Variants in CCDC144A observed in about 807,000 individuals in gnomAD.
CCDC144A encodes the protein coiled-coil domain containing 144A.
Under a neutral mutation model 143.8 loss-of-function variants are expected in CCDC144A, and 41 were observed. The observed-to-expected ratio is 0.29, with a 90% CI of 0.22 to 0.37. CCDC144A has a LOEUF of 0.37. CCDC144A is among the 10% of genes least tolerant of loss of function. CCDC144A has a pLI of 1.00. For synonymous variants in CCDC144A, 242 were observed against 517.9 expected, an observed-to-expected ratio of 0.47 and a Z score of 7.23; for missense variants, 637 against 1,488.8, an observed-to-expected ratio of 0.43 and a Z score of 9.41.
intron 12 of CCDC144A, among the ~76,000 whole-genome samples, chr17:16,740,557 A>G (rs2143272501): frequency 6.6e-6 from 1 of 152,378 alleles, no homozygotes; most frequent in African/African-American, 2.4e-5. Flanking sequence ...TTGATACAAC[A>G]TAAAGATGAG....
intron 12 of CCDC144A, chr17:16,745,951 C>T: frequency 1.2e-6 from 2 of 1,606,180 alleles, no homozygotes; most frequent in Non-Finnish European, 1.7e-6. Flanking sequence ...TCGTGGTGAG[C>T]TCTGTGCCTC....
chr17:16,678,580 C>G, the CCDC144A span, among the ~76,000 whole-genome samples: 2 of 116,800 alleles, frequency 1.7e-5, no homozygotes, highest in African/African-American at 7.9e-5. Flanking sequence ...TTTTCTTTTT[C>G]TTTTCTTTTT....
intron 1 of CCDC144A, 115 bp downstream of exon 1, chr17:16,690,859 C>T (rs991237418): frequency 3.4e-6 from 3 of 877,390 alleles, no homozygotes; most frequent in African/African-American, 1.7e-5. Flanking sequence ...GCCCAGGCCT[C>T]TTAGTGAGAC....
rs1915912166 is a variant in CCDC144A, at chr17:16,773,730, T to C, written c.*97T>C. 1.6e-5 allele frequency: 20 copies of C among 1,289,600 alleles called. No homozygotes were observed. The South Asian group carries it at 2.9e-4, about 19-fold the overall frequency. The allele number at this position is 1,289,600 out of a possible 1,614,324, so 79.9% of individuals were successfully genotyped here. The stretch of plus-strand genomic sequence containing the variant: ...TTTACTAAAGGGAAATATTCTATAT[T>C]ATACATGTCTGATGAAAATTTATAT... On this transcript the variant is annotated 3_prime_UTR_variant, in exon 17 of 17. Coordinates refer to ENST00000399273, the MANE Select transcript of CCDC144A (RefSeq NM_001382000.1).
upstream of CCDC144A, among the ~76,000 whole-genome samples, chr17:16,689,212 T>C (rs1201693252): frequency 6.6e-6 from 1 of 152,160 alleles, no homozygotes; most frequent in Non-Finnish European, 1.5e-5. Flanking sequence ...CTTTCTTTTT[T>C]TGAGACGGAG....
In CCDC144A at chr17:16,777,561, A is replaced by G. The variant is rs1279488762; in HGVS notation, c.*3928A>G. The stretch of plus-strand genomic sequence containing the variant: ...ATTGGAAATTAATTCCAAAAGGAAC[A>G]CTCAAAAGCATGCAAATACATGGTA... On this transcript the variant is annotated 3_prime_UTR_variant, in exon 17 of 17. Coordinates refer to ENST00000399273, the MANE Select transcript of CCDC144A (RefSeq NM_001382000.1). 1 of 135,666 alleles carries G rather than the reference A, an allele frequency of 7.4e-6. No individual in the cohort carries two copies. The highest frequency in any genetic ancestry group is 3.1e-5 in the African/African-American group (1 of 32,534). 8.4% of individuals were successfully genotyped at this position (135,666 alleles called of 1,614,324 possible).
intron 12 of CCDC144A, among the ~76,000 whole-genome samples, chr17:16,744,026 A>G (rs1914377842): frequency 6.6e-6 from 1 of 152,146 alleles, no homozygotes; most frequent in South Asian, 2.1e-4. Context: ...TGTTCTTTTT[A>G]TAGTTGCATA....
rs1915971687 is a variant in CCDC144A at position 16,775,397 on chromosome 17, A to G, written c.*1764A>G. On this transcript the variant is annotated 3_prime_UTR_variant, in exon 17 of 17. Coordinates refer to ENST00000399273, the MANE Select transcript of CCDC144A (RefSeq NM_001382000.1). ...CTTTTCATTTTTTTGAATTATAGCC[A>G]TTCTGACTGTTGTGAGATGGTGTCT... is the stretch of plus-strand genomic sequence containing the variant. 1.3e-5 allele frequency: 2 copies of G among 152,308 alleles called. No homozygotes were observed. Among genetic ancestry groups the G allele is most frequent in the East Asian group, 1.9e-4 (1 of 5,170 alleles). The allele number at this position is 152,308 out of a possible 1,614,324, so 9.4% of individuals were successfully genotyped here. A position where few individuals can be genotyped will look rare whatever the true frequency, so the allele number is the denominator to read the frequency against.
At chr17:16,745,607 T>C (rs2143291533) in intron 12 of CCDC144A, 1 of 1,553,558 alleles carries the variant, frequency 6.4e-7, no homozygotes, top group East Asian at 2.4e-5. Flanking sequence ...CGCTCGTCCA[T>C]GGAGGCCAGG....
chr17:16,683,822 A>C, the CCDC144A span: 1 of 1,415,892 alleles, frequency 7.1e-7, no homozygotes, highest in Non-Finnish European at 1.0e-6. Context: ...GCCGAGCGTG[A>C]AGCCGGCGCC....
rs898189743 is a variant in CCDC144A, at chr17:16,759,435, G to C, written c.3373-1990G>C. Among the ~76,000 whole-genome samples, 5 of 152,096 alleles carry C rather than the reference G, an allele frequency of 3.3e-5. No individual in the cohort carries two copies. The East Asian group carries it at 9.6e-4, about 29-fold the overall frequency. ...GCTAAGTCAAGGACTGTCTATATTT[G>C]GGAATCTGACATGTGGAGAGGCTAT... is the stretch of plus-strand genomic sequence containing the variant. On this transcript the variant is annotated intron_variant, in intron 12 of 16. Transcript: ENST00000399273.
intron 9 of CCDC144A, among the ~76,000 whole-genome samples, chr17:16,729,991 T>TATATATATATATATAC (rs1491438660): frequency 4.0e-4 from 46 of 114,854 alleles, no homozygotes; most frequent in African/African-American, 1.4e-3. Flanking sequence ...TATATATATA[T>TATATATATATATATAC]ACACACATAC....
chr17:16,677,818 A>G, the CCDC144A span, among the ~76,000 whole-genome samples: 2 of 151,964 alleles, frequency 1.3e-5, no homozygotes, highest in African/African-American at 4.8e-5. Flanking sequence ...AAAAAAGAAA[A>G]AAAAAAAAAT....
chr17:16,737,195 C>CT (rs1174468220), intron 12 of CCDC144A, among the ~76,000 whole-genome samples: 2 of 114,060 alleles, frequency 1.8e-5, no homozygotes, highest in African/African-American at 7.2e-5. Context: ...GAGACGGAGT[C>CT]TCGCTCTGTC....
chr17:16,687,360 GC>G (rs1213166100), upstream of CCDC144A, among the ~76,000 whole-genome samples: 2 of 149,200 alleles, frequency 1.3e-5, no homozygotes, highest in South Asian at 2.2e-4. Flanking sequence ...CTCCCCCGCC[GC>G]CCCCCGCAGG....
Position 16,709,487 on chromosome 17 carries a change from G to A in CCDC144A, c.1430G>A (p.Ser477Asn). ...CTGAAACCTAAATTAGAAAATCTGA[G>A]TTCTTTACCACCAGATTCTGACAGA... ...KSLKPKLENL[S>N]SLPPDSDRTS... The change falls in exon 5 of 17, where the codon AGT becomes AAT. Residue 477 changes from serine to asparagine, a missense_variant. Transcript: ENST00000399273. 6.2e-7 allele frequency: 1 copy of A among 1,611,562 alleles called. No individual in the cohort carries two copies. The highest frequency in any genetic ancestry group is 8.5e-7 in the Non-Finnish European group (1 of 1,179,610).
the CCDC144A span, among the ~76,000 whole-genome samples, chr17:16,675,803 C>T: frequency 6.6e-6 from 1 of 151,986 alleles, no homozygotes; most frequent in Non-Finnish European, 1.5e-5. Context: ...AGTGCTGTGG[C>T]CCCATCTCGG....
intron 15 of CCDC144A, chr17:16,764,831 G>A (rs1017453434): frequency 6.6e-6 from 1 of 150,564 alleles, no homozygotes; most frequent in Non-Finnish European, 1.5e-5. Flanking sequence ...TTTTGAAATA[G>A]TTAAATCAAA....
Position 16,708,460 on chromosome 17 carries a change from C to T in CCDC144A, c.739-336C>T, listed in dbSNP as rs745655502. Among the ~76,000 whole-genome samples, 30 of 152,198 alleles carry T rather than the reference C, an allele frequency of 2.0e-4. No individual in the cohort carries two copies. The South Asian group carries it at 2.5e-3, about 13-fold the overall frequency. ...AGGACGCCTTTGTAACACTAGAAATCGTCTGCTAATTCATTTTTGGTAGAT... is the reference window on the plus strand; with the variant it reads ...AGGACGCCTTTGTAACACTAGAAATTGTCTGCTAATTCATTTTTGGTAGAT... On this transcript the variant is annotated intron_variant, in intron 4 of 16. Coordinates refer to ENST00000399273, the MANE Select transcript of CCDC144A (RefSeq NM_001382000.1).
Sources: gnomAD v4.1 joint callset for allele counts (sites outside exome capture counted in the v4.1 genomes callset) on GRCh38, gnomAD v4.1.1 for gene constraint, MANE v1.5 for transcripts, NCBI Gene and HGNC (gene_info 2026-07-23, HGNC 2026-07-21) for gene names.